Variants in COL6A5 observed in about 807,000 individuals in gnomAD.
The protein encoded by COL6A5 is collagen alpha-5(VI) chain.
COL6A5 carries 48 observed loss-of-function variants against 65.6 expected under a neutral mutation model. The ratio of observed to expected loss-of-function variants is 0.73; its 90% confidence interval spans 0.58 to 0.93. The LOEUF (loss-of-function observed/expected upper bound fraction) is 0.93. COL6A5 is among the 40% of genes least tolerant of loss of function. COL6A5 has a pLI of 0.00. For missense variants in COL6A5, 914 were observed against 928.3 expected (o/e 0.98, Z 0.20); for synonymous variants, 291 against 322.8 (o/e 0.90, Z 1.05).
In COL6A5 at chr3:130,376,174, T is replaced by G. The variant is rs1051521498; in HGVS notation, c.68-63T>G. On this transcript the variant is annotated intron_variant and NMD_transcript_variant, in intron 2 of 41. Transcript: ENST00000312481. ...CCAGCACATAGTCTTAAATAAGTAT[T>G]GTGGTCTAAAATACAAAGGTTGAAT... 8 of 1,470,770 alleles carry G rather than the reference T, an allele frequency of 5.4e-6. No homozygotes were observed. The African/African-American group carries it at 1.1e-4, about 21-fold the overall frequency. 91.1% of individuals were successfully genotyped at this position (1,470,770 alleles called of 1,614,324 possible).
chr3:130,477,756 G>C (rs1329782938), intron 7 of COL6A5, among the ~76,000 whole-genome samples: 5 of 151,982 alleles, frequency 3.3e-5, no homozygotes, highest in African/African-American at 4.8e-5. Flanking sequence ...GTCTAAATCA[G>C]ACTTCTTTAA....
chr3:130,372,443 TTA>T lies in COL6A5; in HGVS notation c.-28-1154_-28-1153del, dbSNP rs113645647. 5.9e-4 allele frequency among the ~76,000 whole-genome samples: 89 copies of T among 150,840 alleles called. 1 individual carries two copies. Among genetic ancestry groups the T allele is most frequent in the African/African-American group, 9.9e-4 (41 of 41,232 alleles). ...ATCAACTGACAATTAATGTTTTAAA[TTA>T]TATATATATATATCTATATCCATAC... On this transcript the variant is annotated intron_variant and NMD_transcript_variant, in intron 1 of 41. Coordinates refer to the COL6A5 transcript ENST00000312481.
chr3:130,397,624 C>A, exon 9 of COL6A5: 1 of 1,551,360 alleles, frequency 6.4e-7, no homozygotes, highest in South Asian at 1.2e-5. Flanking sequence ...CATCTCCACT[C>A]ATGTGCAGGG....
chr3:130,453,999 A>G (rs1470233129), intron 4 of COL6A5, among the ~76,000 whole-genome samples: 1 of 152,162 alleles, frequency 6.6e-6, no homozygotes, highest in Non-Finnish European at 1.5e-5. Flanking sequence ...TGAATAAATC[A>G]TAAAGTCATT....
chr3:130,389,200 T>G lies in COL6A5; in HGVS notation c.2416+66T>G, dbSNP rs1296270048. On this transcript the variant is annotated intron_variant and NMD_transcript_variant, in intron 6 of 41. Transcript: ENST00000312481. ...CTGTTGACTTTATAATGAGAAACAG[T>G]GAATGGCACTCTGGCCCTGACCTCC... The G allele has an allele frequency of 5.4e-6, 6 of 1,115,184 alleles. No homozygotes were observed. In the South Asian group the frequency reaches 1.4e-4, roughly 25 times the overall value. 69.1% of individuals were successfully genotyped at this position (1,115,184 alleles called of 1,614,324 possible).
At chr3:130,411,273 C>T (rs1937168102) in intron 20 of COL6A5, among the ~76,000 whole-genome samples, 1 of 152,178 alleles carries the variant, frequency 6.6e-6, no homozygotes. Flanking sequence ...TTAAAAACTC[C>T]TCTCTCATGC....
intron 20 of COL6A5, among the ~76,000 whole-genome samples, chr3:130,411,804 A>G (rs1277844510): frequency 6.6e-6 from 1 of 152,182 alleles, no homozygotes; most frequent in Admixed American, 6.5e-5. Flanking sequence ...AGCCAATTAC[A>G]GGACATGAGG....
At chr3:130,405,056 C>A (rs1936939687) in intron 13 of COL6A5, among the ~76,000 whole-genome samples, 1 of 152,206 alleles carries the variant, frequency 6.6e-6, no homozygotes, top group African/African-American at 2.4e-5. Context: ...CAGTGCTCAC[C>A]CCTGCACGGA....
chr3:130,384,776 AT>A, intron 4 of COL6A5, 27 bp from the exon 5 acceptor site: 1 of 1,488,340 alleles, frequency 6.7e-7, no homozygotes, highest in Non-Finnish European at 9.0e-7. Flanking sequence ...AGGTTCTCTA[AT>A]TTACAGAGAA....
chr3:130,464,962 A>G lies in COL6A5; in HGVS notation c.1545-3833A>G, dbSNP rs376477749. ...CAGTTGTCATCTTTTAGAACTGCCCAAGATGGAGTAAAGAAGTTGGATTTA... is the reference window on the plus strand; with the variant it reads ...CAGTTGTCATCTTTTAGAACTGCCCGAGATGGAGTAAAGAAGTTGGATTTA... On this transcript the variant is annotated intron_variant, in intron 5 of 7. Transcript: ENST00000512836. Among the ~76,000 whole-genome samples the G allele has an allele frequency of 3.9e-5, 6 of 152,266 alleles. No individual in the cohort carries two copies. The South Asian group carries it at 1.0e-3, about 26-fold the overall frequency.
At chr3:130,413,947 G>T (rs1019167045) in intron 21 of COL6A5, 122 bp from the exon 22 acceptor site, 1 of 739,590 alleles carries the variant, frequency 1.4e-6, no homozygotes, top group Non-Finnish European at 2.3e-6. Context: ...CCTAGGCCAA[G>T]TAGAGGGTGA....
At chr3:130,385,920 G>C (rs903797106) in intron 5 of COL6A5, among the ~76,000 whole-genome samples, 1 of 151,974 alleles carries the variant, frequency 6.6e-6, no homozygotes, top group African/African-American at 2.4e-5. Flanking sequence ...TGCATATCAA[G>C]TATATATGTA....
chr3:130,431,443 C>T (rs1937802054), upstream of COL6A5: 1 of 1,547,490 alleles, frequency 6.5e-7, no homozygotes, highest in Non-Finnish European at 8.7e-7. Context: ...TAACTTAATA[C>T]TTCTGCTTTT....
intron 10 of COL6A5, among the ~76,000 whole-genome samples, chr3:130,399,235 G>T (rs1050249062): frequency 2.6e-5 from 4 of 152,156 alleles, no homozygotes; most frequent in African/African-American, 9.7e-5. Flanking sequence ...TTGCTCAGTT[G>T]TGTCTCTTTC....
chr3:130,469,210 C>T (rs779506150), exon 6 of COL6A5: 1 of 1,613,230 alleles, frequency 6.2e-7, no homozygotes, highest in South Asian at 1.1e-5. Flanking sequence ...TAGGAACCCC[C>T]AATCTGAGGA....
intron 1 of COL6A5, among the ~76,000 whole-genome samples, chr3:130,364,776 G>C (rs978040941): frequency 6.6e-6 from 1 of 152,194 alleles, no homozygotes; most frequent in African/African-American, 2.4e-5. Flanking sequence ...CAGCAGGAAA[G>C]AACCATCAAT....
At chr3:130,445,039 T>G (rs945874317) in intron 4 of COL6A5, among the ~76,000 whole-genome samples, 1 of 152,210 alleles carries the variant, frequency 6.6e-6, no homozygotes, top group Admixed American at 6.5e-5. Context: ...ATCATTAATT[T>G]GATTTGCCAA....
At chr3:130,365,832 T>C (rs558401868) in intron 1 of COL6A5, among the ~76,000 whole-genome samples, 7 of 152,220 alleles carry the variant, frequency 4.6e-5, no homozygotes, top group Non-Finnish European at 1.0e-4. Context: ...CCCTGACCAA[T>C]TGAGTCAGAA....
At chr3:130,349,876 C>A (rs767432702) in intron 1 of COL6A5, among the ~76,000 whole-genome samples, 8 of 152,092 alleles carry the variant, frequency 5.3e-5, no homozygotes, top group Non-Finnish European at 2.9e-5. Flanking sequence ...ATTAGTAGCC[C>A]AGGCTTCTTT....
Sources: gnomAD v4.1 joint callset for allele counts (sites outside exome capture counted in the v4.1 genomes callset) on GRCh38, gnomAD v4.1.1 for gene constraint, MANE v1.5 for transcripts, NCBI Gene and HGNC (gene_info 2026-07-23, HGNC 2026-07-21) for gene names.